The following CNTNAP2 variants were observed in gnomAD, a reference collection of about 807,000 sequenced individuals.
CNTNAP2 encodes the protein contactin associated protein 2.
CNTNAP2 carries 98 observed loss-of-function variants against 155.2 expected under a neutral mutation model. That is an observed-to-expected ratio of 0.63 (90% confidence interval 0.54 to 0.75). The LOEUF is 0.75. Ranked by LOEUF, CNTNAP2 falls within the 30% of genes least tolerant of loss-of-function variation. The pLI is 0.00. For missense variants in CNTNAP2, 1,727 were observed against 1,688.1 expected, an observed-to-expected ratio of 1.02 and a Z score of -0.40; for synonymous variants, 651 against 631.2, an observed-to-expected ratio of 1.03 and a Z score of -0.47.
intron 21 of CNTNAP2, among the ~76,000 whole-genome samples, chr7:148,297,478 G>A (rs1022967852): frequency 4.6e-5 from 7 of 152,160 alleles, no homozygotes; most frequent in Non-Finnish European, 1.0e-4. Flanking sequence ...TTCACTCATT[G>A]CATCATGGGA....
At position 147,317,766 on chromosome 7, in the gene CNTNAP2, A is replaced by G. The variant is rs191807521; in HGVS notation, c.1498+17476A>G. ...CGCTTAAACTTCAAAAAAAGGATAT[A>G]TATATATATATGTGTGTGTGTGTGT... On this transcript the variant is annotated intron_variant, in intron 9 of 23. Coordinates refer to ENST00000361727, the MANE Select transcript of CNTNAP2 (RefSeq NM_014141.6). Among the ~76,000 whole-genome samples the G allele has an allele frequency of 1.2e-4, 13 of 107,966 alleles. No individual in the cohort carries two copies. In the East Asian group the frequency reaches 3.3e-3, roughly 27 times the overall value. The allele number at this position is 107,966 out of a possible 152,430, so 70.8% of individuals were successfully genotyped here.
intron 12 of CNTNAP2, among the ~76,000 whole-genome samples, chr7:147,617,820 TTTTGATATTA>T (rs1428540507): frequency 6.6e-6 from 1 of 152,214 alleles, no homozygotes; most frequent in Non-Finnish European, 1.5e-5. Context: ...GATCACATTA[TTTTGATATTA>T]TTTGATAGTC....
At chr7:146,542,133 CT>C (rs1266072778) in intron 1 of CNTNAP2, among the ~76,000 whole-genome samples, 1 of 151,870 alleles carries the variant, frequency 6.6e-6, no homozygotes, top group Non-Finnish European at 1.5e-5. Context: ...CATCCAGCTT[CT>C]TTTTTCTACT....
chr7:147,797,402 G>GA (rs535232174), intron 13 of CNTNAP2, among the ~76,000 whole-genome samples: 3 of 149,802 alleles, frequency 2.0e-5, no homozygotes, highest in East Asian at 1.9e-4. Flanking sequence ...GACCATCAAT[G>GA]AAAAAAAAAG....
chr7:147,904,323 C>T (rs1799923214), intron 14 of CNTNAP2, among the ~76,000 whole-genome samples: 1 of 152,150 alleles, frequency 6.6e-6, no homozygotes, highest in African/African-American at 2.4e-5. Context: ...CCTTTGCTGG[C>T]TTTTGTTCTG....
intron 8 of CNTNAP2, among the ~76,000 whole-genome samples, chr7:147,256,462 G>A (rs543557383): frequency 2.6e-5 from 4 of 152,258 alleles, no homozygotes; most frequent in South Asian, 2.1e-4. Context: ...AGCAATATGC[G>A]GGTGTTAAAT....
chr7:146,382,605 AATAGATAAGTAAC>A (rs1440817009), intron 1 of CNTNAP2, among the ~76,000 whole-genome samples: 2 of 152,200 alleles, frequency 1.3e-5, no homozygotes, highest in Non-Finnish European at 2.9e-5. Flanking sequence ...TAACAAATAA[AATAGATAAGTAAC>A]ATTTAAAAAT....
intron 22 of CNTNAP2, among the ~76,000 whole-genome samples, chr7:148,407,910 G>A (rs537034136): frequency 3.9e-5 from 6 of 152,124 alleles, no homozygotes; most frequent in African/African-American, 7.2e-5. Flanking sequence ...ATATATATAC[G>A]TATCTATCTA....
At chr7:147,837,735 C>T (rs1321495244) in intron 13 of CNTNAP2, among the ~76,000 whole-genome samples, 1 of 152,106 alleles carries the variant, frequency 6.6e-6, no homozygotes, top group African/African-American at 2.4e-5. Context: ...AGCTAAAGGC[C>T]CTATGCAAGT....
chr7:146,925,443 A>G (rs1203161222), intron 3 of CNTNAP2, among the ~76,000 whole-genome samples: 1 of 152,218 alleles, frequency 6.6e-6, no homozygotes, highest in African/African-American at 2.4e-5. Flanking sequence ...AAGGTGACAA[A>G]AATGTAGTGG....
intron 15 of CNTNAP2, among the ~76,000 whole-genome samples, chr7:148,002,772 G>A (rs1012581204): frequency 2.6e-4 from 40 of 152,124 alleles, no homozygotes; most frequent in African/African-American, 9.4e-4. Flanking sequence ...ACCAGGAGTG[G>A]ATCTGATTCA....
chr7:146,504,314 C>A (rs1006193469), intron 1 of CNTNAP2, among the ~76,000 whole-genome samples: 4 of 152,200 alleles, frequency 2.6e-5, no homozygotes, highest in African/African-American at 9.7e-5. Flanking sequence ...GGCCAGAGCC[C>A]AGAGACACCC....
At chr7:146,934,554 T>C (rs1385545663) in intron 3 of CNTNAP2, among the ~76,000 whole-genome samples, 2 of 152,056 alleles carry the variant, frequency 1.3e-5, no homozygotes, top group Admixed American at 6.5e-5. Context: ...CATATGTAAC[T>C]AACCTGCACA....
At chr7:146,296,497 C>A (rs1471011882) in intron 1 of CNTNAP2, among the ~76,000 whole-genome samples, 3 of 152,092 alleles carry the variant, frequency 2.0e-5, no homozygotes, top group Non-Finnish European at 2.9e-5. Flanking sequence ...GCAGAATTTT[C>A]TCTTGAGTAT....
At chr7:148,275,886 C>T (rs1796862872) in intron 21 of CNTNAP2, among the ~76,000 whole-genome samples, 2 of 152,108 alleles carry the variant, frequency 1.3e-5, no homozygotes, top group Admixed American at 6.5e-5. Context: ...GCATCGTAGC[C>T]AGGTCACATT....
intron 13 of CNTNAP2, among the ~76,000 whole-genome samples, chr7:147,669,893 A>G (rs904054841): frequency 6.6e-5 from 10 of 152,104 alleles, no homozygotes; most frequent in African/African-American, 2.4e-4. Context: ...CAAACATTTC[A>G]CTAACACCCG....
chr7:147,326,206 T>G (rs34541071), intron 9 of CNTNAP2, among the ~76,000 whole-genome samples: 10,956 of 152,260 alleles, frequency 0.072, 729 homozygotes, highest in African/African-American at 0.18. Context: ...TTACAGGCGT[T>G]AGCCACTGCG....
chr7:147,557,028 T>G (rs1364321548), intron 11 of CNTNAP2, among the ~76,000 whole-genome samples: 1 of 150,704 alleles, frequency 6.6e-6, no homozygotes, highest in Non-Finnish European at 1.5e-5. Context: ...CAGGCGGGGG[T>G]CGGGAGGCTG....
At chr7:147,300,426 T>A in intron 9 of CNTNAP2, 136 bp downstream of exon 9, 1 of 974,060 alleles carries the variant, frequency 1.0e-6, no homozygotes. Flanking sequence ...GTAATTCCAC[T>A]GAGCAAAACA....
Sources: allele counts gnomAD v4.1 joint callset (sites outside exome capture counted in the v4.1 genomes callset), GRCh38; gene constraint gnomAD v4.1.1; transcripts MANE v1.5; gene names NCBI Gene and HGNC (gene_info 2026-07-23, HGNC 2026-07-21).